Variants in DCUN1D4 observed in about 807,000 individuals in gnomAD.
DCUN1D4 encodes DCN1-like protein 4.
In DCUN1D4, 22 loss-of-function variants were observed where a neutral mutation model predicts 47.9. The observed-to-expected ratio is 0.46, with a 90% CI of 0.33 to 0.66. The LOEUF is 0.66. Ranked by LOEUF, DCUN1D4 falls within the 30% of genes least tolerant of loss-of-function variation. DCUN1D4 has a pLI of 0.02. For missense variants in DCUN1D4, 301 were observed against 340.8 expected, an observed-to-expected ratio of 0.88 and a Z score of 0.92; for synonymous variants, 121 against 112.2, an observed-to-expected ratio of 1.08 and a Z score of -0.50.
intron 3 of DCUN1D4, among the ~76,000 whole-genome samples, chr4:51,872,836 C>G (rs1449433539): frequency 1.3e-5 from 2 of 152,194 alleles, no homozygotes; most frequent in Admixed American, 1.3e-4. Context: ...TGAATAGTGT[C>G]CTGAGAGTTC....
chr4:51,872,647 C>A (rs1167015722), intron 3 of DCUN1D4, among the ~76,000 whole-genome samples: 1 of 152,206 alleles, frequency 6.6e-6, no homozygotes, highest in African/African-American at 2.4e-5. Flanking sequence ...CCTTAGTCCT[C>A]TGTTTCTGTT....
At chr4:51,901,139 G>A (rs1401452848) in intron 8 of DCUN1D4, among the ~76,000 whole-genome samples, 4 of 151,946 alleles carry the variant, frequency 2.6e-5, no homozygotes, top group African/African-American at 7.3e-5. Context: ...GGTGTCATTC[G>A]TCTTCCTTCA....
In DCUN1D4 at chr4:51,843,232, G is replaced by C; in HGVS notation, c.-11G>C. ...AGCCTGGGCGGCGAGCCGGGTGTGA[G>C]CTGCCTGAAAATGCACTCGGATGCC... is the stretch of plus-strand genomic sequence containing the variant. On this transcript the variant is annotated 5_prime_UTR_variant, in exon 1 of 11. Transcript: ENST00000334635. The C allele has an allele frequency of 6.5e-7, 1 of 1,541,828 alleles. No homozygotes were observed. The highest frequency in any genetic ancestry group is 8.7e-7 in the Non-Finnish European group (1 of 1,143,778).
chr4:51,895,764 A>G (rs1731175029), intron 7 of DCUN1D4, among the ~76,000 whole-genome samples: 1 of 152,150 alleles, frequency 6.6e-6, no homozygotes, highest in Admixed American at 6.5e-5. Flanking sequence ...CAAACTCAAA[A>G]AGAAATTATC....
At chr4:51,895,863 A>G (rs941944532) in intron 7 of DCUN1D4, among the ~76,000 whole-genome samples, 2 of 152,152 alleles carry the variant, frequency 1.3e-5, no homozygotes, top group Non-Finnish European at 2.9e-5. Context: ...TTTTTTATAC[A>G]TGGTACACAG....
Position 51,890,148 on chromosome 4 carries a change from C to T in DCUN1D4, c.415-1612C>T, listed in dbSNP as rs537541776. ...TTTAGCCTACAAACTAGCTTATTGG[C>T]AGACAGATTAAAAAGAAGAGCTTCT... On this transcript the variant is annotated intron_variant, in intron 6 of 10. Coordinates refer to ENST00000334635, the MANE Select transcript of DCUN1D4 (RefSeq NM_001040402.3). Among the ~76,000 whole-genome samples the T allele has an allele frequency of 9.2e-5, 14 of 152,160 alleles. No homozygotes were observed. In the East Asian group the frequency reaches 1.7e-3, roughly 19 times the overall value.
chr4:51,852,003 A>G (rs1475648191), intron 1 of DCUN1D4, among the ~76,000 whole-genome samples: 1 of 152,284 alleles, frequency 6.6e-6, no homozygotes, highest in African/African-American at 2.4e-5. Flanking sequence ...GGAACACTGC[A>G]TGTATATTGG....
At chr4:51,838,653 G>A (rs1281651937), upstream of DCUN1D4, among the ~76,000 whole-genome samples, 1 of 152,132 alleles carries the variant, frequency 6.6e-6, no homozygotes, top group African/African-American at 2.4e-5. Flanking sequence ...AAAGTGCTGG[G>A]GTTTCAGGCA....
chr4:51,862,955 G>A (rs944221322), intron 1 of DCUN1D4, among the ~76,000 whole-genome samples: 6 of 152,148 alleles, frequency 3.9e-5, no homozygotes, highest in Non-Finnish European at 8.8e-5. Context: ...AGGCTGCAGT[G>A]AACCATGATT....
intron 1 of DCUN1D4, among the ~76,000 whole-genome samples, chr4:51,853,396 C>T (rs1560454835): frequency 6.6e-6 from 1 of 152,180 alleles, no homozygotes; most frequent in Non-Finnish European, 1.5e-5. Flanking sequence ...TTAGTTAACA[C>T]CTTCCTCACC....
At chr4:51,871,564 G>T (rs1726903862) in intron 3 of DCUN1D4, among the ~76,000 whole-genome samples, 1 of 152,188 alleles carries the variant, frequency 6.6e-6, no homozygotes. Flanking sequence ...AAGGGGAGGG[G>T]TTACTGCTAG....
At chr4:51,836,932 TAGAGAAGGCAAGGAG>T in the DCUN1D4 span, among the ~76,000 whole-genome samples, 3 of 152,156 alleles carry the variant, frequency 2.0e-5, no homozygotes, top group Admixed American at 1.3e-4. Context: ...GGTAGCAGGC[TAGAGAAGGCAAGGAG>T]AAATTAAGAG....
intron 7 of DCUN1D4, 32 bp downstream of exon 7, chr4:51,891,883 T>G (rs530043546): frequency 5.9e-6 from 9 of 1,537,138 alleles, no homozygotes; most frequent in African/African-American, 5.5e-5. Context: ...TGGGGGTCCC[T>G]GCCCTTCCCA....
rs142962374 is a variant in DCUN1D4, at chr4:51,852,653, A to G, written c.25+9386A>G. On this transcript the variant is annotated intron_variant, in intron 1 of 10. Coordinates refer to ENST00000334635, the MANE Select transcript of DCUN1D4 (RefSeq NM_001040402.3). ...CTCAGTGTCTTCTACGTTCTAAATAATAATAGGGATGAAAACAATTAACGT... is the reference window on the plus strand; with the variant it reads ...CTCAGTGTCTTCTACGTTCTAAATAGTAATAGGGATGAAAACAATTAACGT... Among the ~76,000 whole-genome samples the G allele has an allele frequency of 2.8e-3, 426 of 152,346 alleles. 2 individuals are homozygous for G. Among genetic ancestry groups the G allele is most frequent in the African/African-American group, 1.0e-2 (414 of 41,572 alleles).
At chr4:51,858,626 A>G (rs540443135) in intron 1 of DCUN1D4, among the ~76,000 whole-genome samples, 22 of 152,342 alleles carry the variant, frequency 1.4e-4, no homozygotes, top group African/African-American at 4.8e-4. Context: ...TTGAAATGCC[A>G]TTTAATTATA....
In DCUN1D4 at chr4:51,877,230, T is replaced by C. The variant is rs200038842; in HGVS notation, c.252-533T>C. On this transcript the variant is annotated intron_variant, in intron 4 of 10. Transcript: ENST00000334635. ...AAGAAACCACCCAAGCGACATTGTCTTTGTCAGCCTTACATCAAAGTTTAT... is the reference window on the plus strand; with the variant it reads ...AAGAAACCACCCAAGCGACATTGTCCTTGTCAGCCTTACATCAAAGTTTAT... Among the ~76,000 whole-genome samples the C allele has an allele frequency of 2.0e-5, 3 of 152,340 alleles. No individual in the cohort carries two copies. In the East Asian group the frequency reaches 5.8e-4, roughly 29 times the overall value.
chr4:51,834,616 A>G, the DCUN1D4 span, among the ~76,000 whole-genome samples: 1 of 152,116 alleles, frequency 6.6e-6, no homozygotes, highest in Non-Finnish European at 1.5e-5. Flanking sequence ...CAGCCTATTC[A>G]CAAGTTTAGG....
At chr4:51,837,515 C>T in the DCUN1D4 span, among the ~76,000 whole-genome samples, 1 of 151,794 alleles carries the variant, frequency 6.6e-6, no homozygotes, top group Non-Finnish European at 1.5e-5. Flanking sequence ...ATTAGCCGGG[C>T]GCAGTGGCGG....
intron 8 of DCUN1D4, among the ~76,000 whole-genome samples, chr4:51,906,729 T>C (rs1327097445): frequency 6.6e-6 from 1 of 152,202 alleles, no homozygotes; most frequent in East Asian, 1.9e-4. Context: ...GATTCCTCTT[T>C]AGTTGTTGCA....
Sources: allele counts gnomAD v4.1 joint callset (sites outside exome capture counted in the v4.1 genomes callset), GRCh38; gene constraint gnomAD v4.1.1; transcripts MANE v1.5; gene names NCBI Gene and HGNC (gene_info 2026-07-23, HGNC 2026-07-21).